Variants in PARD3B observed in about 807,000 individuals in gnomAD.
PARD3B encodes the protein par-3 family cell polarity regulator beta.
Under a neutral mutation model 130.2 loss-of-function variants are expected in PARD3B, and 103 were observed. That is an observed-to-expected ratio of 0.79 (90% confidence interval 0.67 to 0.93). PARD3B has a LOEUF of 0.93. PARD3B is among the 40% of genes least tolerant of loss of function. The pLI is 0.00. For synonymous variants in PARD3B, 583 were observed against 553.2 expected, an observed-to-expected ratio of 1.05 and a Z score of -0.76; for missense variants, 1,609 against 1,499.2, an observed-to-expected ratio of 1.07 and a Z score of -1.21.
At chr2:204,647,754 A>G (rs1325868966) in intron 1 of PARD3B, among the ~76,000 whole-genome samples, 3 of 151,810 alleles carry the variant, frequency 2.0e-5, no homozygotes, top group African/African-American at 7.2e-5. Flanking sequence ...CATGTGCTAA[A>G]TTAAGTTTTT....
At chr2:205,000,447 C>G (rs991480233) in intron 3 of PARD3B, among the ~76,000 whole-genome samples, 5 of 152,066 alleles carry the variant, frequency 3.3e-5, no homozygotes, top group Non-Finnish European at 7.4e-5. Context: ...CCTAAAAATT[C>G]CATGTTTGTT....
intron 22 of PARD3B, among the ~76,000 whole-genome samples, chr2:205,609,823 C>T (rs1455316684): frequency 6.6e-6 from 1 of 152,096 alleles, no homozygotes; most frequent in Non-Finnish European, 1.5e-5. Flanking sequence ...GTTGTTTTTC[C>T]CCTCTGTGAC....
rs193218598 is a variant in PARD3B at position 205,287,232 on chromosome 2, G to T, written c.2186-13298G>T. Among the ~76,000 whole-genome samples the T allele has an allele frequency of 1.3e-5, 2 of 152,290 alleles. No homozygotes were observed. The highest frequency in any genetic ancestry group is 4.8e-5 in the African/African-American group (2 of 41,574). ...TATGTGGATGAGAGATTGGAGAATA[G>T]AATATGAAGTCAAGACTGTGAGTTA... On this transcript the variant is annotated intron_variant, in intron 16 of 22. Coordinates refer to ENST00000406610, the MANE Select transcript of PARD3B (RefSeq NM_001302769.2). The surrounding 1 kb of genome is among the most constrained non-coding windows in gnomAD (Gnocchi z 4.8).
At chr2:205,607,088 T>C (rs1163184985) in intron 22 of PARD3B, among the ~76,000 whole-genome samples, 1 of 152,192 alleles carries the variant, frequency 6.6e-6, no homozygotes, top group Admixed American at 6.5e-5. Context: ...TTGATTTTCA[T>C]AAAGGGCACC....
In PARD3B at chr2:205,568,501, C is replaced by T. The variant is rs989479056; in HGVS notation, c.3260+15098C>T. Reference sequence around the variant, plus strand: ...AGAACATCACTGAAATACAGCAGCACCTCTGGGACACTCCTGGGATTAGGA... The same window carrying T: ...AGAACATCACTGAAATACAGCAGCATCTCTGGGACACTCCTGGGATTAGGA... On this transcript the variant is annotated intron_variant, in intron 22 of 22. Coordinates refer to ENST00000406610, the MANE Select transcript of PARD3B (RefSeq NM_001302769.2). The surrounding 1 kb of genome is among the most constrained non-coding windows in gnomAD (Gnocchi z 5.3). 6.6e-6 allele frequency among the ~76,000 whole-genome samples: 1 copy of T among 152,148 alleles called. No homozygotes were observed. Among genetic ancestry groups the T allele is most frequent in the Non-Finnish European group, 1.5e-5 (1 of 68,022 alleles).
chr2:205,149,372 C>T (rs2033591144), intron 10 of PARD3B, among the ~76,000 whole-genome samples: 1 of 152,030 alleles, frequency 6.6e-6, no homozygotes, highest in African/African-American at 2.4e-5. Flanking sequence ...GCCACTGTGC[C>T]TTGCCCCATC....
intron 20 of PARD3B, among the ~76,000 whole-genome samples, chr2:205,462,851 A>T (rs1225881817): frequency 6.6e-6 from 1 of 152,174 alleles, no homozygotes; most frequent in East Asian, 1.9e-4. Context: ...GCTGGTTTTG[A>T]TGTGAGCCAT....
Position 204,943,114 on chromosome 2 carries a change from C to G in PARD3B, c.223-22038C>G, listed in dbSNP as rs1689041644. 6.8e-6 allele frequency among the ~76,000 whole-genome samples: 1 copy of G among 146,194 alleles called. No individual in the cohort carries two copies. The highest frequency in any genetic ancestry group is 2.1e-4 in the South Asian group (1 of 4,826). On this transcript the variant is annotated intron_variant, in intron 2 of 22. Coordinates refer to ENST00000406610, the MANE Select transcript of PARD3B (RefSeq NM_001302769.2). This position sits in a 1 kb window ranked among gnomAD's most constrained non-coding sequence, Gnocchi z 4.2. ...AATACACCTCTTTTTAAAATTACCC[C>G]TGACTTAAGAAAGAAGTTTTTCACA...
At chr2:204,918,035 G>A (rs1214228320) in intron 2 of PARD3B, among the ~76,000 whole-genome samples, 1 of 152,166 alleles carries the variant, frequency 6.6e-6, no homozygotes, top group Non-Finnish European at 1.5e-5. Flanking sequence ...AAGCTTTAGA[G>A]TACTTTGTAG....
Position 205,288,111 on chromosome 2 carries a change from C to T in PARD3B, c.2186-12419C>T, listed in dbSNP as rs947590100. Among the ~76,000 whole-genome samples, 3 of 152,042 alleles carry T rather than the reference C, an allele frequency of 2.0e-5. No individual in the cohort carries two copies. Among genetic ancestry groups the T allele is most frequent in the Admixed American group, 1.3e-4 (2 of 15,270 alleles). On this transcript the variant is annotated intron_variant, in intron 16 of 22. Transcript: ENST00000406610. This position sits in a 1 kb window ranked among gnomAD's most constrained non-coding sequence, Gnocchi z 4.0. ...TACCAAATATAGTAAAGCGTGCTTA[C>T]GAGGAGATAGCAAAGGGTCCGGCCA... is the stretch of plus-strand genomic sequence containing the variant.
Position 204,907,335 on chromosome 2 carries a change from T to TA in PARD3B, c.223-57816dup, listed in dbSNP as rs2047073082. 6.6e-6 allele frequency among the ~76,000 whole-genome samples: 1 copy of TA among 152,216 alleles called. No individual in the cohort carries two copies. The highest frequency in any genetic ancestry group is 6.5e-5 in the Admixed American group (1 of 15,286). ...GGCTGTGACAGATGATGTGAATCCA[T>TA]AGGGCCATGCTTCTAGGTCTTGTCT... is the stretch of plus-strand genomic sequence containing the variant. On this transcript the variant is annotated intron_variant, in intron 2 of 22. Coordinates refer to ENST00000406610, the MANE Select transcript of PARD3B (RefSeq NM_001302769.2). The surrounding 1 kb of genome is among the most constrained non-coding windows in gnomAD (Gnocchi z 5.7).
At chr2:205,192,383 C>T (rs375998119) in intron 14 of PARD3B, among the ~76,000 whole-genome samples, 1 of 152,044 alleles carries the variant, frequency 6.6e-6, no homozygotes, top group Admixed American at 6.6e-5. Flanking sequence ...GATGAGCCAC[C>T]ATATTTACTT....
rs1419453338 is a variant in PARD3B at position 204,751,139 on chromosome 2, C to T, written c.222+64857C>T. ...ATGAAAGGAATTGATGCTGAAATAT[C>T]TTTCTGAAGAAAAATAGAAGCAGCT... On this transcript the variant is annotated intron_variant, in intron 2 of 22. Transcript: ENST00000406610. Among the ~76,000 whole-genome samples the T allele has an allele frequency of 2.0e-5, 3 of 152,068 alleles. No homozygotes were observed. The East Asian group carries it at 5.8e-4, about 29-fold the overall frequency.
intron 2 of PARD3B, among the ~76,000 whole-genome samples, chr2:204,900,263 G>A (rs953616785): frequency 5.9e-5 from 9 of 151,498 alleles, no homozygotes; most frequent in African/African-American, 2.2e-4. Flanking sequence ...CCCTTTTGAG[G>A]GTATTTTCTA....
intron 18 of PARD3B, among the ~76,000 whole-genome samples, chr2:205,306,992 A>G (rs1302919091): frequency 2.0e-5 from 3 of 152,162 alleles, no homozygotes; most frequent in Non-Finnish European, 2.9e-5. Context: ...CGTTTCTCAG[A>G]TGCTCTCCTG....
At chr2:205,392,096 T>G (rs748264489) in intron 18 of PARD3B, among the ~76,000 whole-genome samples, 1 of 152,226 alleles carries the variant, frequency 6.6e-6, no homozygotes, top group Non-Finnish European at 1.5e-5. Flanking sequence ...ACGTATCTGG[T>G]ATTTCTAAAT....
intron 16 of PARD3B, among the ~76,000 whole-genome samples, chr2:205,296,104 A>G (rs1484703594): frequency 6.6e-6 from 1 of 152,194 alleles, no homozygotes; most frequent in Non-Finnish European, 1.5e-5. Flanking sequence ...TACAAAAGTG[A>G]CTGTGACAGT....
At chr2:205,305,399 T>C (rs1332047257) in intron 18 of PARD3B, among the ~76,000 whole-genome samples, 1 of 152,218 alleles carries the variant, frequency 6.6e-6, no homozygotes, top group Non-Finnish European at 1.5e-5. Flanking sequence ...ATCTATAGTA[T>C]AGTAAATGCC....
chr2:205,458,793 G>C lies in PARD3B; in HGVS notation c.3044+18121G>C, dbSNP rs1439220286. The stretch of plus-strand genomic sequence containing the variant: ...TGATCAAATGCTAGACACAGTCCTT[G>C]AAAAGCTGTAGAAATCTCAGGCTGA... On this transcript the variant is annotated intron_variant, in intron 20 of 22. Coordinates refer to ENST00000406610, the MANE Select transcript of PARD3B (RefSeq NM_001302769.2). The surrounding 1 kb of genome is among the most constrained non-coding windows in gnomAD (Gnocchi z 4.8). Among the ~76,000 whole-genome samples the C allele has an allele frequency of 6.6e-6, 1 of 152,080 alleles. No individual in the cohort carries two copies. Among genetic ancestry groups the C allele is most frequent in the Admixed American group, 6.6e-5 (1 of 15,262 alleles).
Sources: gnomAD v4.1 joint callset for allele counts (sites outside exome capture counted in the v4.1 genomes callset) on GRCh38, gnomAD v4.1.1 for gene constraint, Gnocchi (gnomAD v3.1) non-coding constraint, MANE v1.5 for transcripts, NCBI Gene and HGNC (gene_info 2026-07-23, HGNC 2026-07-21) for gene names.